Variants in MMRN1 observed in about 807,000 individuals in gnomAD.
MMRN1 encodes the protein multimerin-1.
A neutral mutation model predicts 100.7 loss-of-function variants in MMRN1; 94 were observed. The ratio of observed to expected loss-of-function variants is 0.93; its 90% CI spans 0.79 to 1.11. MMRN1 has a LOEUF of 1.11. MMRN1 is among the 50% of genes least tolerant of loss of function. MMRN1 has a pLI of 0.00. For synonymous variants in MMRN1, 575 were observed against 505.0 expected (o/e 1.14, Z -1.86); for missense variants, 1,606 against 1,439.1 (o/e 1.12, Z -1.88).
At chr4:89,938,001 A>T (rs1409407385) in intron 6 of MMRN1, among the ~76,000 whole-genome samples, 1 of 152,074 alleles carries the variant, frequency 6.6e-6, no homozygotes, top group Non-Finnish European at 1.5e-5. Flanking sequence ...ACAAAAAGTA[A>T]TGGCTGTGTT....
At chr4:89,908,396 T>C (rs1318137054) in intron 1 of MMRN1, among the ~76,000 whole-genome samples, 2 of 151,448 alleles carry the variant, frequency 1.3e-5, no homozygotes, top group African/African-American at 2.4e-5. Flanking sequence ...AATTATAGAA[T>C]AAGCTCATTT....
At chr4:89,951,171 T>C (rs1723159932) in intron 6 of MMRN1, among the ~76,000 whole-genome samples, 1 of 152,162 alleles carries the variant, frequency 6.6e-6, no homozygotes, top group Non-Finnish European at 1.5e-5. Context: ...TTTTTATATT[T>C]AGTATTTTTG....
chr4:89,890,823 G>A (rs1721038786), upstream of MMRN1, among the ~76,000 whole-genome samples: 1 of 151,830 alleles, frequency 6.6e-6, no homozygotes, highest in African/African-American at 2.4e-5. Flanking sequence ...TTATCAGTAT[G>A]TTCCTTATGA....
At chr4:89,893,962 C>T (rs1721112473), upstream of MMRN1, among the ~76,000 whole-genome samples, 2 of 151,950 alleles carry the variant, frequency 1.3e-5, no homozygotes, top group South Asian at 4.1e-4. Context: ...AGAAAAAAAC[C>T]CATAGAAAAC....
intron 1 of MMRN1, among the ~76,000 whole-genome samples, chr4:89,896,930 C>G (rs1357980990): frequency 1.3e-5 from 2 of 152,048 alleles, no homozygotes; most frequent in East Asian, 1.9e-4. Context: ...ACAAATAGTA[C>G]AGATTACAAT....
chr4:89,925,655 C>A (rs939354726), intron 4 of MMRN1, among the ~76,000 whole-genome samples: 1 of 151,802 alleles, frequency 6.6e-6, no homozygotes, highest in Non-Finnish European at 1.5e-5. Context: ...CATGGTGAAA[C>A]CCTGTCTCTA....
intron 6 of MMRN1, among the ~76,000 whole-genome samples, chr4:89,940,728 C>T (rs192284602): frequency 6.6e-6 from 1 of 152,224 alleles, no homozygotes; most frequent in Non-Finnish European, 1.5e-5. Flanking sequence ...AGAATATAAT[C>T]TGCAGATAGT....
At chr4:89,883,490 C>G (rs1178538354) in intron 1 of MMRN1, among the ~76,000 whole-genome samples, 1 of 152,100 alleles carries the variant, frequency 6.6e-6, no homozygotes, top group Non-Finnish European at 1.5e-5. Context: ...GCTCCGATCA[C>G]TAAAGATGCT....
chr4:89,928,071 G>A (rs913647762), intron 5 of MMRN1, 103 bp downstream of exon 5: 4 of 913,558 alleles, frequency 4.4e-6, no homozygotes, highest in Admixed American at 7.2e-5. Flanking sequence ...TAGTTTGGGT[G>A]GTATGGAAAC....
rs1047597508 is a variant in MMRN1, at chr4:89,936,320, T to C, written c.2640T>C (p.Val880=). The change falls in exon 6 of 8, where the codon GTT becomes GTC. Residue 880 remains valine, a synonymous_variant. Coordinates refer to ENST00000264790, the MANE Select transcript of MMRN1 (RefSeq NM_007351.3). ...CGCTCATACCTTATTATATTTCAGT[T>C]AAAAAAGGCAGTGTAGTTACAAATG... The part of the protein sequence containing the change: ...TQTLIPYYIS[V]KKGSVVTNER... The C allele has an allele frequency of 2.5e-6, 4 of 1,612,506 alleles. No individual in the cohort carries two copies. In the African/African-American group the frequency reaches 5.3e-5, roughly 22 times the overall value.
At chr4:89,893,941 A>G (rs1295929378), upstream of MMRN1, among the ~76,000 whole-genome samples, 1 of 152,152 alleles carries the variant, frequency 6.6e-6, no homozygotes, top group Non-Finnish European at 1.5e-5. Context: ...ATCTCATGAA[A>G]CATCTCTACC....
At chr4:89,911,144 G>A (rs563200479) in intron 2 of MMRN1, among the ~76,000 whole-genome samples, 9 of 151,534 alleles carry the variant, frequency 5.9e-5, no homozygotes, top group African/African-American at 2.2e-4. Context: ...CCATTTTACA[G>A]ACCCATTTGA....
intron 6 of MMRN1, among the ~76,000 whole-genome samples, chr4:89,940,719 G>T (rs1275947289): frequency 1.3e-5 from 2 of 152,062 alleles, no homozygotes; most frequent in Admixed American, 6.6e-5. Context: ...TGAGAATCAA[G>T]AATATAATCT....
At chr4:89,920,784 A>G (rs1722062766) in intron 3 of MMRN1, among the ~76,000 whole-genome samples, 2 of 152,106 alleles carry the variant, frequency 1.3e-5, no homozygotes, top group East Asian at 3.9e-4. Context: ...AGGGCCATAT[A>G]TAGAAATCAC....
intron 1 of MMRN1, among the ~76,000 whole-genome samples, chr4:89,896,416 A>T (rs1461235910): frequency 6.6e-6 from 1 of 152,152 alleles, no homozygotes; most frequent in Non-Finnish European, 1.5e-5. Flanking sequence ...AGTGTTGTTA[A>T]AGAGGGTTTT....
intron 1 of MMRN1, among the ~76,000 whole-genome samples, chr4:89,887,730 A>G (rs1300870623): frequency 6.6e-6 from 1 of 152,020 alleles, no homozygotes; most frequent in Non-Finnish European, 1.5e-5. Flanking sequence ...ATAACATTTT[A>G]CTTCTCACAT....
At chr4:89,914,891 A>T (rs142409261) in intron 3 of MMRN1, among the ~76,000 whole-genome samples, 2 of 151,632 alleles carry the variant, frequency 1.3e-5, no homozygotes, top group Admixed American at 1.3e-4. Flanking sequence ...GTTAGATTAC[A>T]GAGGATGAAG....
At position 89,952,933 on chromosome 4, in the gene MMRN1, T is replaced by C. The variant is rs181791790; in HGVS notation, c.3266-64T>C. The C allele has an allele frequency of 9.7e-5, 134 of 1,375,262 alleles. No homozygotes were observed. In the East Asian group the frequency reaches 2.4e-3, roughly 25 times the overall value. 85.2% of individuals were successfully genotyped at this position (1,375,262 alleles called of 1,614,324 possible). ...GTAACTGAGATAAAAATGACGAAGATATAAGGAAAGAAAAATAAGATAAAA... is the reference window on the plus strand; with the variant it reads ...GTAACTGAGATAAAAATGACGAAGACATAAGGAAAGAAAAATAAGATAAAA... On this transcript the variant is annotated intron_variant, in intron 7 of 7. Transcript: ENST00000264790.
chr4:89,900,361 C>CT (rs1182786300), intron 1 of MMRN1, among the ~76,000 whole-genome samples: 1 of 152,032 alleles, frequency 6.6e-6, no homozygotes, highest in East Asian at 1.9e-4. Flanking sequence ...TCAAAGGAAA[C>CT]TTTTTTTGCT....
Sources: allele counts gnomAD v4.1 joint callset (sites outside exome capture counted in the v4.1 genomes callset), GRCh38; gene constraint gnomAD v4.1.1; transcripts MANE v1.5; gene names NCBI Gene and HGNC (gene_info 2026-07-23, HGNC 2026-07-21).